MPV17: variants seen among roughly 807,000 people sequenced by gnomAD.
MPV17 encodes MPV17, mitochondrial inner membrane protein.
In MPV17, 31 loss-of-function variants were observed where a neutral mutation model predicts 28.6. That is an observed-to-expected ratio of 1.08 (90% CI 0.81 to 1.46). The LOEUF is 1.46. Among genes scored for constraint, MPV17 ranks in the 40% most tolerant of loss-of-function variants. MPV17 has a pLI of 0.00. For synonymous variants in MPV17, 87 were observed against 85.3 expected (o/e 1.02, Z -0.11); for missense variants, 198 against 216.2 (o/e 0.92, Z 0.53).
intron 2 of MPV17, among the ~76,000 whole-genome samples, chr2:27,314,072 C>A (rs1679557910): frequency 6.6e-6 from 1 of 152,172 alleles, no homozygotes; most frequent in African/African-American, 2.4e-5. Flanking sequence ...CACCTGTAAT[C>A]CCGGCACTCT....
chr2:27,322,279 C>G, intron 2 of MPV17, 169 bp downstream of exon 2: 1 of 700,192 alleles, frequency 1.4e-6, no homozygotes, highest in Non-Finnish European at 2.6e-6. Flanking sequence ...TTAAAAACAG[C>G]CTTGGGGACC....
chr2:27,322,349 C>A, intron 2 of MPV17, 99 bp downstream of exon 2: 2 of 1,033,098 alleles, frequency 1.9e-6, no homozygotes, highest in South Asian at 2.5e-5. Flanking sequence ...TTCAAGAGAG[C>A]CGAATAGAAA....
chr2:27,320,342 AT>A lies in MPV17; in HGVS notation c.70+2105del, dbSNP rs145680464. Among the ~76,000 whole-genome samples the A allele has an allele frequency of 1.3e-3, 183 of 145,114 alleles. 2 individuals are homozygous for A. Among genetic ancestry groups the A allele is most frequent in the African/African-American group, 9.1e-4 (36 of 39,732 alleles). ...TAAACTCAAGATTTTTTTTTTGTTG[AT>A]TTTTTTTTTTGAGATGGAGTTTCGC... On this transcript the variant is annotated intron_variant, in intron 2 of 7. Coordinates refer to ENST00000380044, the MANE Select transcript of MPV17 (RefSeq NM_002437.5).
In MPV17 at chr2:27,317,714, T is replaced by C. The variant is rs538099850; in HGVS notation, c.71-4605A>G. On this transcript the variant is annotated intron_variant, in intron 2 of 7. Coordinates refer to ENST00000380044, the MANE Select transcript of MPV17 (RefSeq NM_002437.5). This position sits in a 1 kb window ranked among gnomAD's most constrained non-coding sequence, Gnocchi z 4.0. ...CAGCTGCTCCCACAGCAGGACCGAG[T>C]AGACTAAGATGGATGAAGCTCGGCC... Among the ~76,000 whole-genome samples, 5 of 151,916 alleles carry C rather than the reference T, an allele frequency of 3.3e-5. No individual in the cohort carries two copies. Among genetic ancestry groups the C allele is most frequent in the Non-Finnish European group, 5.9e-5 (4 of 67,968 alleles).
chr2:27,318,728 A>T (rs1679748765), intron 2 of MPV17, among the ~76,000 whole-genome samples: 1 of 151,660 alleles, frequency 6.6e-6, no homozygotes, highest in African/African-American at 2.4e-5. Context: ...GAAAATAGCT[A>T]TTCATCCAGA....
At position 27,322,487 on chromosome 2, in the gene MPV17, G is replaced by A. The variant is rs540291444; in HGVS notation, c.31C>T (p.Leu11=). 2.8e-5 allele frequency: 46 copies of A among 1,614,074 alleles called. No homozygotes were observed. The African/African-American group carries it at 5.9e-4, about 21-fold the overall frequency. The change falls in exon 2 of 8, where the codon CTG becomes TTG. Residue 11 remains leucine (L), a synonymous_variant. Transcript: ENST00000380044. ...TGTACTTTCCACGGGTGAGCGGCCA[G>A]GGCCCGCTGGTATGCCCGCCAGAGT... MALWRAYQRA[L]AAHPWKVQVL...
chr2:27,320,570 G>A (rs1208717707), intron 2 of MPV17, among the ~76,000 whole-genome samples: 2 of 152,068 alleles, frequency 1.3e-5, no homozygotes, highest in South Asian at 2.1e-4. Flanking sequence ...TCCTGACCTC[G>A]TGATCTGCCC....
Position 27,309,961 on chromosome 2 carries a change from A to G in MPV17, c.482T>C (p.Val161Ala). 1 of 1,614,096 alleles carries G rather than the reference A, an allele frequency of 6.2e-7. No homozygotes were observed. The highest frequency in any genetic ancestry group is 1.1e-5 in the South Asian group (1 of 91,062). Reference sequence around the variant, plus strand: ...CAGGTAGGAGTTCCAGATAACAGCAACACATTGGACAACGGCCAACCTAAG... The same window carrying G: ...CAGGTAGGAGTTCCAGATAACAGCAGCACATTGGACAACGGCCAACCTAAG... The part of the protein sequence containing the change: ...LHYRLAVVQC[V>A]AVIWNSYLSW... The change falls in exon 8 of 8, where the codon GTT (valine) becomes GCT (alanine). Residue 161 changes from valine to alanine, a missense_variant. By Grantham distance (64) the Val-to-Ala change is moderately conservative. Transcript: ENST00000380044.
intron 2 of MPV17, among the ~76,000 whole-genome samples, chr2:27,314,897 C>T (rs985163607): frequency 1.3e-5 from 2 of 152,248 alleles, no homozygotes; most frequent in Non-Finnish European, 2.9e-5. Context: ...TCTGCCCGGC[C>T]GGCCCTGCCC....
At chr2:27,314,192 C>T (rs972145160) in intron 2 of MPV17, among the ~76,000 whole-genome samples, 4 of 151,992 alleles carry the variant, frequency 2.6e-5, no homozygotes, top group Admixed American at 6.6e-5. Flanking sequence ...TAGCTGGGCA[C>T]GGTGGCACGT....
rs781468403 is a variant in MPV17, at chr2:27,309,803, C to T, written c.*109G>A. On this transcript the variant is annotated 3_prime_UTR_variant, in exon 8 of 8. Coordinates refer to ENST00000380044, the MANE Select transcript of MPV17 (RefSeq NM_002437.5). ...GGTGCTAGTCCTCTTAAGCTCTGAC[C>T]GGCAACCCAACCCCGTGGAAACTGG... 5.7e-6 allele frequency: 5 copies of T among 870,240 alleles called. No homozygotes were observed. Among genetic ancestry groups the T allele is most frequent in the Admixed American group, 1.9e-5 (1 of 51,446 alleles). The allele number at this position is 870,240 out of a possible 1,614,324, so 53.9% of individuals were successfully genotyped here.
Position 27,317,741 on chromosome 2 carries a change from TG to T in MPV17, c.71-4633del. On this transcript the variant is annotated intron_variant, in intron 2 of 7. Transcript: ENST00000380044. This position sits in a 1 kb window ranked among gnomAD's most constrained non-coding sequence, Gnocchi z 4.0. ...GACTAAGATGGATGAAGCTCGGCCC[TG>T]GGCCCACTGGAGAGTGGAAGGGCCC... Among the ~76,000 whole-genome samples, 1 of 152,220 alleles carries T rather than the reference TG, an allele frequency of 6.6e-6. No homozygotes were observed.
chr2:27,315,729 T>G, intron 2 of MPV17: 9 of 215,822 alleles, frequency 4.2e-5, no homozygotes, highest in East Asian at 1.5e-4. Context: ...ACCTGGCTGA[T>G]TTTTGTATTT....
chr2:27,319,063 A>C (rs1975385), intron 2 of MPV17, among the ~76,000 whole-genome samples: 152,268 of 152,282 alleles, frequency 1, 76,127 homozygotes, highest in Middle Eastern at 1. Flanking sequence ...CCACGCCCAG[A>C]CACTTTAAGG....
chr2:27,310,091 G>A, intron 7 of MPV17, 110 bp from the exon 8 acceptor site: 3 of 864,402 alleles, frequency 3.5e-6, no homozygotes, highest in African/African-American at 1.6e-5. Context: ...GGATTGGCAG[G>A]TTTAGGTCTC....
intron 2 of MPV17, among the ~76,000 whole-genome samples, chr2:27,319,207 G>A (rs1436641476): frequency 6.6e-6 from 1 of 151,714 alleles, no homozygotes; most frequent in East Asian, 2.0e-4. Context: ...ACCTAACAAG[G>A]TATCTGCACA....
At chr2:27,310,014 G>C in intron 7 of MPV17, 33 bp from the exon 8 acceptor site, 17 of 1,566,026 alleles carry the variant, frequency 1.1e-5, no homozygotes, top group Non-Finnish European at 1.4e-5. Context: ...TGAAGAGGAG[G>C]AAGGCTAAGC....
In MPV17 at chr2:27,309,916, A is replaced by G. The variant is rs779425887; in HGVS notation, c.527T>C (p.Leu176Pro). ...NSYLSWKAHR[L>P] ...AAACGATGGAGTGAGGCAGGCTTAG[A>G]GCCGATGTGCCTTCCAGGACAGGTA... The change falls in exon 8 of 8, where the codon CTC (leucine) becomes CCC (proline). Residue 176 changes from leucine (L) to proline (P), a missense_variant. Coordinates refer to ENST00000380044, the MANE Select transcript of MPV17 (RefSeq NM_002437.5). 42 of 1,613,602 alleles carry G rather than the reference A, an allele frequency of 2.6e-5. No individual in the cohort carries two copies. Among genetic ancestry groups the G allele is most frequent in the Non-Finnish European group, 3.4e-5 (40 of 1,179,636 alleles).
rs980571485 is a variant in MPV17, at chr2:27,309,496, G to A, written c.*416C>T. The A allele has an allele frequency of 4.0e-5, 11 of 272,554 alleles. No homozygotes were observed. The highest frequency in any genetic ancestry group is 6.9e-5 in the Non-Finnish European group (10 of 143,956). The allele number at this position is 272,554 out of a possible 1,614,324, so 16.9% of individuals were successfully genotyped here. ...CTTACTCATTACCACTGCAGATTCC[G>A]GATTACATATTTAATAACATATTTA... On this transcript the variant is annotated 3_prime_UTR_variant, in exon 8 of 8. Transcript: ENST00000380044.
Sources: gnomAD v4.1 joint callset for allele counts (sites outside exome capture counted in the v4.1 genomes callset) on GRCh38, gnomAD v4.1.1 for gene constraint, Gnocchi (gnomAD v3.1) non-coding constraint, MANE v1.5 for transcripts, NCBI Gene and HGNC (gene_info 2026-07-23, HGNC 2026-07-21) for gene names.